The following DGLUCY variants were observed in gnomAD, a reference collection of about 807,000 sequenced individuals.
DGLUCY encodes the protein D-glutamate cyclase, mitochondrial.
DGLUCY carries 58 observed loss-of-function variants against 58.5 expected under a neutral mutation model. The observed-to-expected ratio is 0.99, with a 90% CI of 0.80 to 1.23. DGLUCY has a LOEUF of 1.23. Ranked by LOEUF, DGLUCY falls within the 50% of genes most tolerant of loss-of-function variation. The probability of loss-of-function intolerance (pLI) is 0.00; values close to 1 mark genes in which losing one functional copy is unlikely to be tolerated. For synonymous variants in DGLUCY, 325 were observed against 314.1 expected (o/e 1.03, Z -0.37); for missense variants, 779 against 784.7 (o/e 0.99, Z 0.09).
chr14:91,165,675 G>C (rs1324592577), intron 3 of DGLUCY, among the ~76,000 whole-genome samples: 2 of 152,150 alleles, frequency 1.3e-5, no homozygotes, highest in African/African-American at 2.4e-5. Context: ...AGAACCACAA[G>C]GTGATGGATA....
intron 9 of DGLUCY, among the ~76,000 whole-genome samples, chr14:91,195,760 T>A (rs2050163619): frequency 6.9e-6 from 1 of 144,526 alleles, no homozygotes; most frequent in East Asian, 2.2e-4. Context: ...AACCTCTGCC[T>A]CCCAGGTTCA....
upstream of DGLUCY, among the ~76,000 whole-genome samples, chr14:91,113,098 G>A (rs763354078): frequency 4.6e-5 from 7 of 151,172 alleles, no homozygotes; most frequent in African/African-American, 7.3e-5. Context: ...GCAGGCGCTC[G>A]AGACCAGCCC....
intron 1 of DGLUCY, among the ~76,000 whole-genome samples, chr14:91,142,875 A>G (rs1188252234): frequency 6.8e-6 from 1 of 147,726 alleles, no homozygotes; most frequent in Non-Finnish European, 1.5e-5. Flanking sequence ...ACACACACAC[A>G]CACACACTAG....
intron 1 of DGLUCY, among the ~76,000 whole-genome samples, chr14:91,121,305 T>G (rs2045342853): frequency 6.6e-6 from 1 of 152,182 alleles, no homozygotes; most frequent in Admixed American, 6.6e-5. Context: ...CATGTCCTAC[T>G]CCACCTCCAA....
intron 5 of DGLUCY, among the ~76,000 whole-genome samples, chr14:91,172,604 T>C (rs940119079): frequency 2.6e-5 from 4 of 152,152 alleles, no homozygotes; most frequent in African/African-American, 9.7e-5. Flanking sequence ...ATCTTGTTTC[T>C]TAGGCTGCTA....
At chr14:91,192,435 C>A (rs2049956269) in intron 9 of DGLUCY, among the ~76,000 whole-genome samples, 1 of 152,030 alleles carries the variant, frequency 6.6e-6, no homozygotes, top group Admixed American at 6.6e-5. Flanking sequence ...GGTTGCACAA[C>A]AATGTGAAAT....
At chr14:91,165,456 T>A in intron 3 of DGLUCY, 1 of 342,468 alleles carries the variant, frequency 2.9e-6, no homozygotes, top group South Asian at 2.2e-5. Context: ...CAGGTGTGTT[T>A]ACCACCAAAG....
chr14:91,165,742 G>A (rs1355603910), intron 3 of DGLUCY, among the ~76,000 whole-genome samples: 1 of 152,212 alleles, frequency 6.6e-6, no homozygotes, highest in Non-Finnish European at 1.5e-5. Context: ...ATGAAGTATT[G>A]GAGATGCTCA....
chr14:91,105,987 G>C (rs1400297965), upstream of DGLUCY, among the ~76,000 whole-genome samples: 1 of 152,164 alleles, frequency 6.6e-6, no homozygotes. Flanking sequence ...TCTAAACCTA[G>C]AAAAGCTACA....
intron 8 of DGLUCY, among the ~76,000 whole-genome samples, chr14:91,188,534 A>C (rs562153085): frequency 1.3e-5 from 2 of 152,340 alleles, no homozygotes; most frequent in South Asian, 4.1e-4. Flanking sequence ...CTTTAAAAAT[A>C]ATCACTTTTG....
In DGLUCY at chr14:91,184,469, G is replaced by T. The variant is rs554358844; in HGVS notation, c.934+3080G>T. ...CTGGGGAGGCTGAGGTGTGCAGATCGCTTGAGTTCAGGAATTTGAAGCTGC... is the reference window on the plus strand; with the variant it reads ...CTGGGGAGGCTGAGGTGTGCAGATCTCTTGAGTTCAGGAATTTGAAGCTGC... On this transcript the variant is annotated intron_variant, in intron 8 of 13. Coordinates refer to ENST00000256324, the MANE Select transcript of DGLUCY (RefSeq NM_001102368.3). Among the ~76,000 whole-genome samples, 8 of 150,508 alleles carry T rather than the reference G, an allele frequency of 5.3e-5. No individual in the cohort carries two copies. The South Asian group carries it at 1.5e-3, about 28-fold the overall frequency.
chr14:91,078,209 A>C (rs1178162907), intron 1 of DGLUCY, among the ~76,000 whole-genome samples: 1 of 152,102 alleles, frequency 6.6e-6, no homozygotes, highest in Non-Finnish European at 1.5e-5. Context: ...TTGTATTTTT[A>C]GTAGAGACGG....
intron 12 of DGLUCY, among the ~76,000 whole-genome samples, chr14:91,206,800 C>T (rs879172935): frequency 1.3e-5 from 2 of 152,080 alleles, no homozygotes; most frequent in African/African-American, 4.8e-5. Context: ...CAGAGTCAGA[C>T]ATGTCAGAAA....
intron 9 of DGLUCY, among the ~76,000 whole-genome samples, chr14:91,190,769 C>G (rs1238388396): frequency 2.0e-5 from 3 of 152,010 alleles, no homozygotes; most frequent in African/African-American, 7.3e-5. Context: ...GACAGGGCCT[C>G]GCAGGACCCT....
chr14:91,160,421 A>T, intron 3 of DGLUCY, 24 bp downstream of exon 3: 3 of 768,814 alleles, frequency 3.9e-6, no homozygotes, highest in Admixed American at 3.8e-5. Flanking sequence ...GATAGTTAAA[A>T]AAAAAAAAAA....
Position 91,189,103 on chromosome 14 carries a change from C to A in DGLUCY, c.1128C>A (p.Val376=), listed in dbSNP as rs1174152732. The change falls in exon 9 of 14, where the codon GTC becomes GTA. Residue 376 remains valine, a synonymous_variant. Transcript: ENST00000256324. The stretch of plus-strand genomic sequence containing the variant: ...TCCTGCAGGCCTTGGAGAAGGAGGT[C>A]GCCATAATCGTTGACCAGAGAGCCT... ...VAFLQALEKE[V]AIIVDQRAWN... is the part of the protein sequence containing the mutation. 6.2e-7 allele frequency: 1 copy of A among 1,614,022 alleles called. No individual in the cohort carries two copies. The highest frequency in any genetic ancestry group is 8.5e-7 in the Non-Finnish European group (1 of 1,180,040).
At chr14:91,211,599 A>G (rs1885686748) in intron 12 of DGLUCY, among the ~76,000 whole-genome samples, 1 of 152,224 alleles carries the variant, frequency 6.6e-6, no homozygotes, top group Non-Finnish European at 1.5e-5. Context: ...TTTTCAACAA[A>G]TGGTGCTGGA....
At chr14:91,141,995 A>G (rs993667300) in intron 1 of DGLUCY, among the ~76,000 whole-genome samples, 2 of 151,908 alleles carry the variant, frequency 1.3e-5, no homozygotes, top group Non-Finnish European at 1.5e-5. Flanking sequence ...AGAGGTACGT[A>G]GCATCACGTC....
At chr14:91,090,914 G>C (rs1376519639) in intron 1 of DGLUCY, among the ~76,000 whole-genome samples, 1 of 152,144 alleles carries the variant, frequency 6.6e-6, no homozygotes, top group African/African-American at 2.4e-5. Context: ...CATTTCCCTG[G>C]CTTCTCCAAA....
Sources: gnomAD v4.1 joint callset for allele counts (sites outside exome capture counted in the v4.1 genomes callset) on GRCh38, gnomAD v4.1.1 for gene constraint, MANE v1.5 for transcripts, NCBI Gene and HGNC (gene_info 2026-07-23, HGNC 2026-07-21) for gene names.